The following EVC2 variants were observed in gnomAD, a reference collection of about 807,000 sequenced individuals.
EVC2 encodes the protein limbin.
A neutral mutation model predicts 149.3 loss-of-function variants in EVC2; 148 were observed. That is an observed-to-expected ratio of 0.99 (90% CI 0.87 to 1.14). The LOEUF is 1.14. EVC2 is among the 50% of genes most tolerant of loss of function. The pLI is 0.00. For missense variants in EVC2, 1,854 were observed against 1,627.3 expected (o/e 1.14, Z -2.40); for synonymous variants, 776 against 649.9 (o/e 1.19, Z -2.95).
intron 1 of EVC2, among the ~76,000 whole-genome samples, chr4:5,699,642 C>CAAAAAA (rs773633372): frequency 2.7e-5 from 3 of 111,740 alleles, no homozygotes; most frequent in African/African-American, 3.6e-5. Context: ...TCCATCTCTA[C>CAAAAAA]AAAAAAAAAA....
chr4:5,584,780 A>G lies in EVC2; in HGVS notation c.2900T>C (p.Leu967Pro). The G allele has an allele frequency of 1.2e-6, 2 of 1,614,042 alleles. No individual in the cohort carries two copies. The highest frequency in any genetic ancestry group is 8.5e-7 in the Non-Finnish European group (1 of 1,179,968). Residue 967 changes from leucine (L) to proline (P), a missense_variant, in exon 17 of 22, where the codon CTT becomes CCT. Leu to Pro is a moderately conservative substitution (Grantham distance 98). Coordinates refer to ENST00000344408, the MANE Select transcript of EVC2 (RefSeq NM_147127.5). Reference sequence around the variant, plus strand: ...CGCCTTCTGGAACTGCAGAGCAACAAGCGACTGTGCAAAGCCTCCCTCCTG... The same window carrying G: ...CGCCTTCTGGAACTGCAGAGCAACAGGCGACTGTGCAAAGCCTCCCTCCTG... ...EAQEGGFAQS[L>P]VALQFQKASR... is the part of the protein sequence containing the mutation.
intron 1 of EVC2, among the ~76,000 whole-genome samples, chr4:5,707,334 G>C (rs533511842): frequency 3.9e-5 from 6 of 152,074 alleles, no homozygotes; most frequent in South Asian, 2.1e-4. Flanking sequence ...TGCCAGTGTC[G>C]CAAGTGTCCT....
At chr4:5,574,599 G>C in intron 19 of EVC2, 86 bp downstream of exon 19, 1 of 1,357,336 alleles carries the variant, frequency 7.4e-7, no homozygotes, top group Non-Finnish European at 1.1e-6. Flanking sequence ...TCACCATCCT[G>C]GAGGTGAGGA....
In EVC2 at chr4:5,562,998, C is replaced by T; in HGVS notation, c.3777G>A (p.Gly1259=). 1 of 1,614,100 alleles carries T rather than the reference C, an allele frequency of 6.2e-7. No homozygotes were observed. The highest frequency in any genetic ancestry group is 8.5e-7 in the Non-Finnish European group (1 of 1,180,030). The change falls in exon 22 of 22, where the codon GGG becomes GGA. Residue 1259 remains glycine (G), a synonymous_variant. Transcript: ENST00000344408. The surrounding 1 kb of genome is among the most constrained non-coding windows in gnomAD (Gnocchi z 4.3). ...TGTTTAATAGATCAATGGTTTCTGC[C>T]CCTACAATGGGTACAGGGGCCAGTT... ...IGELAPVPIV[G]AETIDLLNTG...
intron 8 of EVC2, among the ~76,000 whole-genome samples, chr4:5,664,952 TGTGTGGGTGATGGGGTGC>T (rs930761769): frequency 2.1e-5 from 3 of 139,728 alleles, no homozygotes; most frequent in Non-Finnish European, 4.7e-5. Context: ...TGATGGGGTG[TGTGTGGGTGATGGGGTGC>T]GTGTGGGTGA....
At chr4:5,646,641 G>C (rs923351737) in intron 9 of EVC2, among the ~76,000 whole-genome samples, 3 of 152,242 alleles carry the variant, frequency 2.0e-5, no homozygotes, top group Non-Finnish European at 4.4e-5. Context: ...TAAAGGGTTG[G>C]TGTCATAGTA....
intron 9 of EVC2, among the ~76,000 whole-genome samples, chr4:5,642,912 G>C (rs1379099561): frequency 6.6e-6 from 1 of 152,158 alleles, no homozygotes. Context: ...TTTAATGTTT[G>C]AGCAATTTAA....
chr4:5,580,380 T>C (rs1425049962), intron 17 of EVC2, among the ~76,000 whole-genome samples: 1 of 152,252 alleles, frequency 6.6e-6, no homozygotes, highest in Non-Finnish European at 1.5e-5. Flanking sequence ...CTCTCTGTTC[T>C]AAACAAACTA....
At chr4:5,690,780 C>A (rs1404732222) in intron 4 of EVC2, among the ~76,000 whole-genome samples, 1 of 152,110 alleles carries the variant, frequency 6.6e-6, no homozygotes, top group Non-Finnish European at 1.5e-5. Flanking sequence ...TAATCTATAC[C>A]CTTTCTCTGT....
intron 9 of EVC2, among the ~76,000 whole-genome samples, chr4:5,654,072 G>A (rs551818632): frequency 2.0e-5 from 3 of 152,166 alleles, no homozygotes; most frequent in Non-Finnish European, 4.4e-5. Flanking sequence ...AAATTAGCTG[G>A]GCGTGGTGGC....
chr4:5,543,203 G>C, exon 22 of EVC2: 2 of 1,289,716 alleles, frequency 1.6e-6, no homozygotes, highest in African/African-American at 3.0e-5. Context: ...AGCTCTCTTG[G>C]TTCCCTGACC....
chr4:5,599,362 A>G (rs896069827), intron 16 of EVC2, among the ~76,000 whole-genome samples: 28 of 152,174 alleles, frequency 1.8e-4, no homozygotes, highest in Admixed American at 3.9e-4. Flanking sequence ...AAAATGTGGC[A>G]CATATACACC....
intron 2 of EVC2, 147 bp from the exon 3 acceptor site, chr4:5,694,648 T>C (rs1238512947): frequency 1.2e-6 from 1 of 866,326 alleles, no homozygotes; most frequent in African/African-American, 1.7e-5. Context: ...ATGAATGATA[T>C]CATCTCTTTG....
intron 7 of EVC2, among the ~76,000 whole-genome samples, chr4:5,678,861 T>A (rs983030352): frequency 1.3e-5 from 2 of 152,070 alleles, no homozygotes; most frequent in Middle Eastern, 3.4e-3. Flanking sequence ...TAAAACCCCG[T>A]CTCTACTAAA....
downstream of EVC2, among the ~76,000 whole-genome samples, chr4:5,538,909 C>G (rs1721465056): frequency 6.6e-6 from 1 of 152,122 alleles, no homozygotes; most frequent in African/African-American, 2.4e-5. Flanking sequence ...TATATCCGCT[C>G]TCACCAACTC....
chr4:5,598,674 C>G (rs1380100373), intron 16 of EVC2, among the ~76,000 whole-genome samples: 3 of 152,122 alleles, frequency 2.0e-5, no homozygotes, highest in Non-Finnish European at 2.9e-5. Flanking sequence ...GACTTCATGT[C>G]TAAAACACCA....
At chr4:5,695,497 A>G (rs1251207119) in intron 2 of EVC2, among the ~76,000 whole-genome samples, 2 of 152,222 alleles carry the variant, frequency 1.3e-5, no homozygotes, top group Non-Finnish European at 1.5e-5. Context: ...GTCCCTCTTC[A>G]GTGGATGCGG....
In EVC2 at chr4:5,628,713, C is replaced by T. The variant is rs757316188; in HGVS notation, c.1732G>A (p.Asp578Asn). 11 of 1,611,954 alleles carry T rather than the reference C, an allele frequency of 6.8e-6. No individual in the cohort carries two copies. The highest frequency in any genetic ancestry group is 2.2e-5 in the East Asian group (1 of 44,776). Residue 578 changes from aspartate (D) to asparagine (N), a missense_variant, in exon 12 of 22, where the codon GAC becomes AAC. Physicochemically the swap from Asp to Asn is conservative, Grantham distance 23. Coordinates refer to ENST00000344408, the MANE Select transcript of EVC2 (RefSeq NM_147127.5). ...KIQENVEELM[D>N]FFQASKRYHL... ...TACCTCTTACTAGCCTGGAAAAAGT[C>T]CATTAACTCTTCTACATTCTCCTGT...
chr4:5,705,694 G>T (rs1373647453), intron 1 of EVC2, among the ~76,000 whole-genome samples: 3 of 152,098 alleles, frequency 2.0e-5, no homozygotes, highest in Admixed American at 2.0e-4. Context: ...CATTAAATCT[G>T]CTGCAACATC....
Sources: allele counts gnomAD v4.1 joint callset (sites outside exome capture counted in the v4.1 genomes callset), GRCh38; gene constraint gnomAD v4.1.1; non-coding constraint Gnocchi (gnomAD v3.1); transcripts MANE v1.5; gene names NCBI Gene and HGNC (gene_info 2026-07-23, HGNC 2026-07-21).